Variants in MYO18B observed in about 807,000 individuals in gnomAD.
MYO18B encodes unconventional myosin-XVIIIb.
MYO18B carries 204 observed loss-of-function variants against 273.0 expected under a neutral mutation model. The observed-to-expected ratio is 0.75, with a 90% CI of 0.67 to 0.84. The LOEUF (loss-of-function observed/expected upper bound fraction) is 0.84, where lower values mean the gene tolerates loss of function less well. Among genes scored for constraint, MYO18B ranks in the 40% least tolerant of loss-of-function variants. The probability of loss-of-function intolerance (pLI) is 0.00; values close to 1 mark genes in which losing one functional copy is unlikely to be tolerated. For synonymous variants in MYO18B, 1,330 were observed against 1,305.7 expected (o/e 1.02, Z -0.40); for missense variants, 3,212 against 3,287.6 (o/e 0.98, Z 0.56).
At chr22:25,909,046 T>C (rs2092104931) in intron 32 of MYO18B, among the ~76,000 whole-genome samples, 1 of 152,238 alleles carries the variant, frequency 6.6e-6, no homozygotes, top group Admixed American at 6.5e-5. Context: ...ATATGTTTAA[T>C]GGCTTAACAG....
rs1936606573 is a variant in MYO18B, at chr22:26,030,458, C to G, written c.*28C>G. ...TTGCTTCCAGCCTCCTTGAAGCTGC[C>G]CTTGAAGACTTCCCGACTCTACAAT... is the stretch of plus-strand genomic sequence containing the variant. On this transcript the variant is annotated 3_prime_UTR_variant, in exon 44 of 44. Transcript: ENST00000335473. 6.4e-6 allele frequency: 1 copy of G among 155,716 alleles called. No individual in the cohort carries two copies. Among genetic ancestry groups the G allele is most frequent in the African/African-American group, 2.4e-5 (1 of 41,588 alleles). The allele number at this position is 155,716 out of a possible 1,614,324, so 9.6% of individuals were successfully genotyped here. A position where few individuals can be genotyped will look rare whatever the true frequency, so the allele number is the denominator to read the frequency against.
At chr22:26,037,295 G>A in the MYO18B span, among the ~76,000 whole-genome samples, 1 of 152,172 alleles carries the variant, frequency 6.6e-6, no homozygotes, top group African/African-American at 2.4e-5. Flanking sequence ...ATAAGGGGTG[G>A]GAGAGGAGAC....
At chr22:25,750,390 C>T (rs1032309427) in intron 1 of MYO18B, among the ~76,000 whole-genome samples, 21 of 152,178 alleles carry the variant, frequency 1.4e-4, no homozygotes, top group Non-Finnish European at 7.4e-5. Context: ...GGTCAGCAGC[C>T]AGACATAGAG....
chr22:25,804,765 G>C (rs879795900), intron 12 of MYO18B, among the ~76,000 whole-genome samples: 4 of 152,242 alleles, frequency 2.6e-5, no homozygotes, highest in Non-Finnish European at 4.4e-5. Context: ...GCCCTGCTCT[G>C]TCTGGCAAGG....
chr22:25,829,802 C>T (rs1034903178), intron 15 of MYO18B, among the ~76,000 whole-genome samples: 3 of 151,946 alleles, frequency 2.0e-5, no homozygotes, highest in African/African-American at 4.8e-5. Flanking sequence ...TGCGCCACTG[C>T]ACTCCAGCCT....
chr22:25,967,249 G>A (rs1444288130), intron 39 of MYO18B, among the ~76,000 whole-genome samples: 9 of 152,150 alleles, frequency 5.9e-5, no homozygotes, highest in Admixed American at 5.9e-4. Flanking sequence ...AATATGGCAG[G>A]AGTATATTAA....
chr22:25,791,363 GGACC>G (rs2087652896), intron 11 of MYO18B, among the ~76,000 whole-genome samples: 1 of 152,236 alleles, frequency 6.6e-6, no homozygotes, highest in Admixed American at 6.5e-5. Flanking sequence ...GCCAAAGCAA[GGACC>G]CCAGGGTAAA....
chr22:26,045,637 G>T, the MYO18B span, among the ~76,000 whole-genome samples: 13 of 152,342 alleles, frequency 8.5e-5, no homozygotes, highest in African/African-American at 3.1e-4. Context: ...CACCCCAACT[G>T]TGGGGCCTTG....
At chr22:25,921,479 C>T (rs2146444291) in intron 34 of MYO18B, 70 bp downstream of exon 34, 3 of 1,526,214 alleles carry the variant, frequency 2.0e-6, no homozygotes, top group Non-Finnish European at 2.7e-6. Flanking sequence ...AATTGCTGTC[C>T]CTCCCAGGTA....
intron 22 of MYO18B, among the ~76,000 whole-genome samples, chr22:25,869,687 G>A (rs2090995547): frequency 6.6e-6 from 1 of 152,036 alleles, no homozygotes; most frequent in Non-Finnish European, 1.5e-5. Flanking sequence ...TGGCATTATT[G>A]GCTATTTGTA....
chr22:25,826,273 A>T (rs772346338), intron 13 of MYO18B, 136 bp from the exon 14 acceptor site: 3 of 611,708 alleles, frequency 4.9e-6, no homozygotes, highest in Middle Eastern at 3.8e-4. Context: ...ACCTGGGGAA[A>T]TAATTTTAGC....
Position 25,775,884 on chromosome 22 carries a change from TAAA to T in MYO18B, c.1870-1687_1870-1685del, listed in dbSNP as rs35877157. On this transcript the variant is annotated intron_variant, in intron 7 of 43. Transcript: ENST00000335473. ...AGGCAAGCTCCACCAAGCAGGGACT[TAAA>T]AAAAAAAAAAATCAGGCTTACATTA... is the stretch of plus-strand genomic sequence containing the variant. Among the ~76,000 whole-genome samples, 1,203 of 147,574 alleles carry T rather than the reference TAAA, an allele frequency of 8.2e-3. 19 individuals are homozygous for T. Among genetic ancestry groups the T allele is most frequent in the African/African-American group, 0.029 (1,150 of 40,294 alleles).
chr22:25,980,066 CA>C (rs1254461391), intron 39 of MYO18B, among the ~76,000 whole-genome samples: 11 of 152,118 alleles, frequency 7.2e-5, no homozygotes, highest in Non-Finnish European at 1.3e-4. Flanking sequence ...AGAGAGAGGA[CA>C]GGGGTAGGAA....
In MYO18B at chr22:25,780,079, A is replaced by T; in HGVS notation, c.2092A>T (p.Thr698Ser). 6.3e-7 allele frequency: 1 copy of T among 1,596,180 alleles called. No individual in the cohort carries two copies. Residue 698 changes from threonine (T) to serine (S), a missense_variant, in exon 9 of 44, where the codon ACT becomes TCT. Physicochemically the swap from Thr to Ser is moderately conservative, Grantham distance 58. Coordinates refer to ENST00000335473, the MANE Select transcript of MYO18B (RefSeq NM_032608.7). ...AGTGGAGAAGATCCGAGCCACCTTC[A>T]CTGTCCTCCGGGCCTTCGGCTCTGT... ...VSVEKIRATF[T>S]VLRAFGSVSM...
chr22:26,006,488 C>T, intron 42 of MYO18B: 1 of 312,676 alleles, frequency 3.2e-6, no homozygotes, highest in Non-Finnish European at 6.5e-6. Flanking sequence ...TCACTGAATT[C>T]TCTAGCACTG....
chr22:25,887,170 C>T (rs1405677739), intron 25 of MYO18B, among the ~76,000 whole-genome samples: 1 of 152,166 alleles, frequency 6.6e-6, no homozygotes, highest in Non-Finnish European at 1.5e-5. Flanking sequence ...CCCGTGTGTG[C>T]CCCTGTGGTT....
At chr22:25,821,755 C>T (rs376784520) in intron 12 of MYO18B, among the ~76,000 whole-genome samples, 151 of 151,950 alleles carry the variant, frequency 9.9e-4, no homozygotes, top group East Asian at 5.2e-3. Flanking sequence ...CCAGCCTGGG[C>T]GAGAGTGAGA....
intron 39 of MYO18B, among the ~76,000 whole-genome samples, chr22:25,979,741 C>T (rs529817445): frequency 6.6e-6 from 1 of 152,058 alleles, no homozygotes; most frequent in Admixed American, 6.5e-5. Flanking sequence ...GCAAACCTTG[C>T]GACTGAAAAA....
At chr22:25,779,634 G>T (rs904391475) in intron 8 of MYO18B, among the ~76,000 whole-genome samples, 3 of 152,242 alleles carry the variant, frequency 2.0e-5, no homozygotes, top group Admixed American at 6.5e-5. Flanking sequence ...TTGTAGGTAT[G>T]CAATGAATAG....
Sources: gnomAD v4.1 joint callset for allele counts (sites outside exome capture counted in the v4.1 genomes callset) on GRCh38, gnomAD v4.1.1 for gene constraint, MANE v1.5 for transcripts, NCBI Gene and HGNC (gene_info 2026-07-23, HGNC 2026-07-21) for gene names.